The following TMOD1 variants were observed in gnomAD, a reference collection of about 807,000 sequenced individuals.
TMOD1 encodes the protein tropomodulin 1.
A neutral mutation model predicts 40.6 loss-of-function variants in TMOD1; 17 were observed. The ratio of observed to expected loss-of-function variants is 0.42; its 90% CI spans 0.29 to 0.63. The LOEUF (loss-of-function observed/expected upper bound fraction) is 0.63, where lower values mean the gene tolerates loss of function less well. Ranked by LOEUF, TMOD1 falls within the 20% of genes least tolerant of loss-of-function variation. The probability of loss-of-function intolerance (pLI) is 0.22; values close to 1 mark genes in which losing one functional copy is unlikely to be tolerated. For synonymous variants in TMOD1, 181 were observed against 175.0 expected, an observed-to-expected ratio of 1.03 and a Z score of -0.27; for missense variants, 391 against 447.6, an observed-to-expected ratio of 0.87 and a Z score of 1.14.
chr9:97,540,634 TA>T (rs944800037), intron 2 of TMOD1, among the ~76,000 whole-genome samples: 2 of 152,248 alleles, frequency 1.3e-5, no homozygotes, highest in African/African-American at 4.8e-5. Flanking sequence ...TGGAATTGTA[TA>T]ATACATGGCC....
In TMOD1 at chr9:97,565,902, T is replaced by C. The variant is rs1325423722; in HGVS notation, c.673T>C (p.Tyr225His). 12 of 1,614,060 alleles carry C rather than the reference T, an allele frequency of 7.4e-6. No homozygotes were observed. The highest frequency in any genetic ancestry group is 1.3e-5 in the African/African-American group (1 of 74,918). ...TGCAGAAGCCCTGAAAGAAAACTCATATGTGAAGAAGTTCAGCATCGTGGG... is the reference window on the plus strand; with the variant it reads ...TGCAGAAGCCCTGAAAGAAAACTCACATGTGAAGAAGTTCAGCATCGTGGG... ...AYAEALKENS[Y>H]VKKFSIVGTR... Residue 225 changes from tyrosine to histidine, a missense_variant, in exon 7 of 10, where the codon TAT (tyrosine) becomes CAT (histidine). Coordinates refer to ENST00000259365, the MANE Select transcript of TMOD1 (RefSeq NM_003275.4).
Position 97,562,811 on chromosome 9 carries a change from G to A in TMOD1, c.477G>A (p.Glu159=). ...ALSSSSIMNK[E]GLNSVIKPTQ... Reference sequence around the variant, plus strand: ...GCAGCAGCTCCATCATGAACAAGGAGGGGCTCAACAGTGAGTATGCGCCCG... The same window carrying A: ...GCAGCAGCTCCATCATGAACAAGGAAGGGCTCAACAGTGAGTATGCGCCCG... The change falls in exon 5 of 10, where the codon GAG becomes GAA. Residue 159 remains glutamate, a synonymous_variant. Transcript: ENST00000259365. 3 of 1,584,884 alleles carry A rather than the reference G, an allele frequency of 1.9e-6. No individual in the cohort carries two copies. Among genetic ancestry groups the A allele is most frequent in the Non-Finnish European group, 2.6e-6 (3 of 1,169,274 alleles).
In TMOD1 at chr9:97,565,859, C is replaced by T. The variant is rs573763202; in HGVS notation, c.630C>T (p.Ile210=). ...VNLNNIRNIP[I]PTLKAYAEAL... ...CTTTCTTTGTGCAGAATATCCCCATCCCCACCCTCAAGGCATATGCAGAAG... is the reference window on the plus strand; with the variant it reads ...CTTTCTTTGTGCAGAATATCCCCATTCCCACCCTCAAGGCATATGCAGAAG... The change falls in exon 7 of 10, where the codon ATC becomes ATT. Residue 210 remains isoleucine (I), a synonymous_variant. Coordinates refer to ENST00000259365, the MANE Select transcript of TMOD1 (RefSeq NM_003275.4). The T allele has an allele frequency of 1.5e-4, 250 of 1,613,932 alleles. 3 individuals carry two copies. In the South Asian group the frequency reaches 2.7e-3, roughly 17 times the overall value.
chr9:97,531,608 C>T (rs1397198026), intron 2 of TMOD1, among the ~76,000 whole-genome samples: 1 of 152,066 alleles, frequency 6.6e-6, no homozygotes, highest in East Asian at 1.9e-4. Flanking sequence ...AAGACTCCAT[C>T]TCAAAAACAG....
chr9:97,514,240 T>C (rs11790424), intron 1 of TMOD1, among the ~76,000 whole-genome samples: 2 of 87,850 alleles, frequency 2.3e-5, no homozygotes, highest in Admixed American at 1.1e-4. Flanking sequence ...GTTTTTTTTT[T>C]GGGGGGGGGG....
chr9:97,515,913 T>C (rs1000251995), intron 1 of TMOD1, among the ~76,000 whole-genome samples: 1 of 152,152 alleles, frequency 6.6e-6, no homozygotes, highest in Non-Finnish European at 1.5e-5. Context: ...AAAGTAGTTA[T>C]ATTTTTATGC....
chr9:97,508,904 C>T (rs933164653), intron 1 of TMOD1, among the ~76,000 whole-genome samples: 4 of 152,186 alleles, frequency 2.6e-5, no homozygotes, highest in African/African-American at 9.7e-5. Flanking sequence ...AGTGGACACA[C>T]GCCCTTAAAA....
chr9:97,586,305 G>A (rs1212005003), intron 8 of TMOD1, among the ~76,000 whole-genome samples: 2 of 152,226 alleles, frequency 1.3e-5, no homozygotes, highest in African/African-American at 4.8e-5. Context: ...GTGCCTCCCA[G>A]TTAGGCTGCC....
chr9:97,502,442 C>G lies in TMOD1; in HGVS notation c.-49+639C>G, dbSNP rs1260271890. On this transcript the variant is annotated intron_variant, in intron 1 of 9. Coordinates refer to ENST00000259365, the MANE Select transcript of TMOD1 (RefSeq NM_003275.4). The surrounding 1 kb of genome is among the most constrained non-coding windows in gnomAD (Gnocchi z 6.1). ...GGAAAGAGCTTGGAGGCGGGAGCCC[C>G]AGGTTGTCGCCGGCTCTCGGCATGG... is the stretch of plus-strand genomic sequence containing the variant. Among the ~76,000 whole-genome samples the G allele has an allele frequency of 6.6e-6, 1 of 152,224 alleles. No individual in the cohort carries two copies. The highest frequency in any genetic ancestry group is 1.5e-5 in the Non-Finnish European group (1 of 68,036).
At chr9:97,569,486 G>A (rs563230533) in intron 8 of TMOD1, among the ~76,000 whole-genome samples, 57 of 152,282 alleles carry the variant, frequency 3.7e-4, no homozygotes, top group African/African-American at 1.3e-3. Flanking sequence ...CCCATTCAAT[G>A]CGGCTTTTGA....
At chr9:97,528,432 C>T (rs1279049583) in intron 2 of TMOD1, among the ~76,000 whole-genome samples, 1 of 152,090 alleles carries the variant, frequency 6.6e-6, no homozygotes. Context: ...TCTCTCAGTT[C>T]AAAGAAAAGA....
At chr9:97,553,189 A>G in intron 3 of TMOD1, 92 bp from the exon 4 acceptor site, 1 of 1,570,178 alleles carries the variant, frequency 6.4e-7, no homozygotes, top group Non-Finnish European at 8.7e-7. Context: ...AGGGACCCAC[A>G]GGGCTCTACA....
chr9:97,561,408 G>C (rs1830639076), intron 4 of TMOD1, among the ~76,000 whole-genome samples: 1 of 152,122 alleles, frequency 6.6e-6, no homozygotes, highest in Non-Finnish European at 1.5e-5. Flanking sequence ...AACCATCCAG[G>C]GAGCTTTAAA....
chr9:97,509,345 A>G (rs2131206720), intron 1 of TMOD1, among the ~76,000 whole-genome samples: 1 of 152,254 alleles, frequency 6.6e-6, no homozygotes, highest in East Asian at 1.9e-4. Flanking sequence ...GAACAAAACA[A>G]AGCTTCTATT....
At chr9:97,543,435 A>G (rs995766535) in intron 2 of TMOD1, among the ~76,000 whole-genome samples, 8 of 152,270 alleles carry the variant, frequency 5.3e-5, no homozygotes, top group Non-Finnish European at 8.8e-5. Context: ...ATCATAAGTA[A>G]TAATTTTTGA....
chr9:97,521,995 C>T (rs1587918432), intron 1 of TMOD1, among the ~76,000 whole-genome samples: 1 of 152,276 alleles, frequency 6.6e-6, no homozygotes, highest in African/African-American at 2.4e-5. Context: ...TCATTTTTCT[C>T]TACTTTAGAA....
At chr9:97,543,141 C>G (rs772976612) in intron 2 of TMOD1, among the ~76,000 whole-genome samples, 2 of 152,196 alleles carry the variant, frequency 1.3e-5, no homozygotes, top group Non-Finnish European at 2.9e-5. Flanking sequence ...GTTACAACCC[C>G]TGAATTTCTT....
rs1044438769 is a variant in TMOD1 at position 97,515,880 on chromosome 9, G to A, written c.-48-8261G>A. Among the ~76,000 whole-genome samples, 36 of 152,208 alleles carry A rather than the reference G, an allele frequency of 2.4e-4. No homozygotes were observed. The East Asian group carries it at 6.4e-3, about 27-fold the overall frequency. ...CCATCACAGGTGACAACACGCCCCCGGGGACATGAAACTGCAAGCATAAAA... is the reference window on the plus strand; with the variant it reads ...CCATCACAGGTGACAACACGCCCCCAGGGACATGAAACTGCAAGCATAAAA... On this transcript the variant is annotated intron_variant, in intron 1 of 9. Coordinates refer to ENST00000259365, the MANE Select transcript of TMOD1 (RefSeq NM_003275.4).
chr9:97,599,602 G>T (rs1826206271), intron 9 of TMOD1, 32 bp from the exon 10 acceptor site: 1 of 1,613,742 alleles, frequency 6.2e-7, no homozygotes, highest in Non-Finnish European at 8.5e-7. Context: ...ACAGGGAAAA[G>T]TGCCTTATAT....
Sources: allele counts gnomAD v4.1 joint callset (sites outside exome capture counted in the v4.1 genomes callset), GRCh38; gene constraint gnomAD v4.1.1; non-coding constraint Gnocchi (gnomAD v3.1); transcripts MANE v1.5; gene names NCBI Gene and HGNC (gene_info 2026-07-23, HGNC 2026-07-21).